NKAIN2: variants seen among roughly 807,000 people sequenced by gnomAD.
NKAIN2 encodes sodium/potassium-transporting ATPase subunit beta-1-interacting protein 2.
A neutral mutation model predicts 32.6 loss-of-function variants in NKAIN2; 14 were observed. That is an observed-to-expected ratio of 0.43 (90% CI 0.28 to 0.67). The LOEUF is 0.67. NKAIN2 is among the 30% of genes least tolerant of loss of function. NKAIN2 has a pLI of 0.17. For missense variants in NKAIN2, 198 were observed against 258.3 expected, an observed-to-expected ratio of 0.77 and a Z score of 1.60; for synonymous variants, 80 against 87.2, an observed-to-expected ratio of 0.92 and a Z score of 0.46.
chr6:124,245,512 A>G (rs1243663611), intron 1 of NKAIN2, among the ~76,000 whole-genome samples: 2 of 152,000 alleles, frequency 1.3e-5, no homozygotes, highest in African/African-American at 2.4e-5. Context: ...ATTTGCTAAG[A>G]AAAAAAATGT....
intron 1 of NKAIN2, among the ~76,000 whole-genome samples, chr6:124,173,177 G>T (rs1788980539): frequency 1.3e-5 from 2 of 152,024 alleles, no homozygotes; most frequent in Admixed American, 1.3e-4. Context: ...ATATACAATT[G>T]TATTAAGAAT....
rs1778586314 is a variant in NKAIN2 at position 123,976,318 on chromosome 6, TATATATG to T, written c.54+172065_54+172071del. On this transcript the variant is annotated intron_variant, in intron 1 of 6. Transcript: ENST00000368417. The stretch of plus-strand genomic sequence containing the variant: ...GTTTCCATATATATGTTTCCATATA[TATATATG>T]TTCCCATATATATATATGTTCCCAT... Among the ~76,000 whole-genome samples, 3 of 65,704 alleles carry T rather than the reference TATATATG, an allele frequency of 4.6e-5. 1 individual carries two copies. Among genetic ancestry groups the T allele is most frequent in the South Asian group, 1.0e-3 (2 of 1,976 alleles). 43.1% of individuals were successfully genotyped at this position (65,704 alleles called of 152,430 possible). A position where few individuals can be genotyped will look rare whatever the true frequency, so the allele number is the denominator to read the frequency against.
At chr6:124,277,848 T>G (rs1208953724) in intron 1 of NKAIN2, among the ~76,000 whole-genome samples, 1 of 152,038 alleles carries the variant, frequency 6.6e-6, no homozygotes, top group African/African-American at 2.4e-5. Context: ...GAAACATAAT[T>G]TGGTTGTTTA....
chr6:123,843,018 C>G (rs1774938513), intron 1 of NKAIN2, among the ~76,000 whole-genome samples: 1 of 152,096 alleles, frequency 6.6e-6, no homozygotes, highest in Non-Finnish European at 1.5e-5. Flanking sequence ...GGGCAAGTGC[C>G]TTTGGGTGCT....
intron 3 of NKAIN2, among the ~76,000 whole-genome samples, chr6:124,535,093 G>A (rs186986373): frequency 2.6e-5 from 4 of 152,206 alleles, no homozygotes; most frequent in East Asian, 1.9e-4. Context: ...AAGTCTGTGC[G>A]CATTCAATAC....
intron 1 of NKAIN2, among the ~76,000 whole-genome samples, chr6:123,829,600 ACATAGTACTCTTGTC>A (rs1774292510): frequency 6.6e-6 from 1 of 152,138 alleles, no homozygotes; most frequent in African/African-American, 2.4e-5. Flanking sequence ...CAGAAATGCT[ACATAGTACTCTTGTC>A]CATACTCCAT....
chr6:124,266,045 TTCTG>T, intron 1 of NKAIN2, among the ~76,000 whole-genome samples: 1 of 152,220 alleles, frequency 6.6e-6, no homozygotes, highest in East Asian at 1.9e-4. Context: ...ATGATTTTTA[TTCTG>T]TCTACTTGAT....
At chr6:124,319,859 C>A (rs1461057923) in intron 2 of NKAIN2, among the ~76,000 whole-genome samples, 1 of 151,976 alleles carries the variant, frequency 6.6e-6, no homozygotes, top group Non-Finnish European at 1.5e-5. Flanking sequence ...ATTGTTAATT[C>A]TATACTTTTC....
chr6:124,355,375 A>T lies in NKAIN2; in HGVS notation c.273+28A>T, dbSNP rs773192452. 7.0e-6 allele frequency: 9 copies of T among 1,280,868 alleles called. No homozygotes were observed. The Admixed American group carries it at 8.4e-5, about 12-fold the overall frequency. The allele number at this position is 1,280,868 out of a possible 1,614,324, so 79.3% of individuals were successfully genotyped here. A position where few individuals can be genotyped will look rare whatever the true frequency, so the allele number is the denominator to read the frequency against. On this transcript the variant is annotated intron_variant, in intron 3 of 6. Coordinates refer to ENST00000368417, the MANE Select transcript of NKAIN2 (RefSeq NM_001040214.3). Reference sequence around the variant, plus strand: ...AATTTACATCTAATTTGCCTGAGTCATCAGTAGGGTGTTAACAAGTCTCTT... The same window carrying T: ...AATTTACATCTAATTTGCCTGAGTCTTCAGTAGGGTGTTAACAAGTCTCTT...
intron 3 of NKAIN2, among the ~76,000 whole-genome samples, chr6:124,461,952 A>G (rs1776548949): frequency 6.6e-6 from 1 of 151,858 alleles, no homozygotes; most frequent in Admixed American, 6.6e-5. Context: ...GGTCAAAACC[A>G]AAAGGAATGA....
chr6:124,680,877 GAGAA>G (rs1034532650), intron 4 of NKAIN2, among the ~76,000 whole-genome samples: 1 of 151,728 alleles, frequency 6.6e-6, no homozygotes, highest in Non-Finnish European at 1.5e-5. Flanking sequence ...TAAAATAAAT[GAGAA>G]AGAAAGGAAA....
chr6:124,650,779 CT>C, intron 3 of NKAIN2, among the ~76,000 whole-genome samples: 1 of 152,314 alleles, frequency 6.6e-6, no homozygotes, highest in African/African-American at 2.4e-5. Flanking sequence ...CATAGCACTT[CT>C]GGTCCGCCAG....
intron 1 of NKAIN2, among the ~76,000 whole-genome samples, chr6:124,048,064 T>C (rs977673639): frequency 6.6e-6 from 1 of 151,994 alleles, no homozygotes; most frequent in African/African-American, 2.4e-5. Context: ...TATATTTCTG[T>C]GGGATTAAAC....
chr6:124,772,855 C>G (rs1214022073), intron 4 of NKAIN2, among the ~76,000 whole-genome samples: 1 of 152,156 alleles, frequency 6.6e-6, no homozygotes, highest in African/African-American at 2.4e-5. Context: ...GAAAAATCAT[C>G]TATCAGGTAT....
chr6:124,633,120 T>C (rs1050918138), intron 3 of NKAIN2, among the ~76,000 whole-genome samples: 4 of 152,170 alleles, frequency 2.6e-5, no homozygotes, highest in Admixed American at 2.0e-4. Flanking sequence ...TGGCAATGAT[T>C]GATAGGGTGA....
chr6:124,305,212 G>A (rs539839372), intron 2 of NKAIN2, among the ~76,000 whole-genome samples: 19 of 152,238 alleles, frequency 1.2e-4, no homozygotes, highest in Non-Finnish European at 2.4e-4. Flanking sequence ...GTTTACAAGT[G>A]ACGTGATTGG....
At chr6:124,713,048 A>G (rs1006653116) in intron 4 of NKAIN2, among the ~76,000 whole-genome samples, 1 of 152,136 alleles carries the variant, frequency 6.6e-6, no homozygotes, top group Non-Finnish European at 1.5e-5. Context: ...AATATGTTGA[A>G]TGACAGAGTA....
At chr6:124,662,007 T>TAA (rs1046648658) in intron 4 of NKAIN2, among the ~76,000 whole-genome samples, 9 of 152,324 alleles carry the variant, frequency 5.9e-5, no homozygotes, top group African/African-American at 1.7e-4. Flanking sequence ...AAGCTCTTCC[T>TAA]AAGATATTTT....
chr6:124,110,310 A>G (rs976085156), intron 1 of NKAIN2, among the ~76,000 whole-genome samples: 6 of 152,066 alleles, frequency 3.9e-5, no homozygotes, highest in Non-Finnish European at 7.4e-5. Context: ...CATAAAAAGT[A>G]TTTGACAAAA....
Sources: allele counts gnomAD v4.1 joint callset (sites outside exome capture counted in the v4.1 genomes callset), GRCh38; gene constraint gnomAD v4.1.1; transcripts MANE v1.5; gene names NCBI Gene and HGNC (gene_info 2026-07-23, HGNC 2026-07-21).